Variants in KHDC4 observed in about 807,000 individuals in gnomAD.
The protein encoded by KHDC4 is KH homology domain-containing protein 4.
Under a neutral mutation model 74.5 loss-of-function variants are expected in KHDC4, and 19 were observed. The ratio of observed to expected loss-of-function variants is 0.26; its 90% confidence interval spans 0.18 to 0.37. KHDC4 has a LOEUF of 0.37. Among genes scored for constraint, KHDC4 ranks in the 10% least tolerant of loss-of-function variants. The pLI is 1.00. For missense variants in KHDC4, 632 were observed against 754.1 expected, an observed-to-expected ratio of 0.84 and a Z score of 1.90; for synonymous variants, 253 against 266.1, an observed-to-expected ratio of 0.95 and a Z score of 0.48.
In KHDC4 at chr1:155,913,823, G is replaced by A. The variant is rs1283237334; in HGVS notation, c.*298C>T. ...CTGGAAAAGGCTGACCAGGTCAAATGTGTATGGGAACGACCCTGTTAGGAT... is the reference window on the plus strand; with the variant it reads ...CTGGAAAAGGCTGACCAGGTCAAATATGTATGGGAACGACCCTGTTAGGAT... On this transcript the variant is annotated 3_prime_UTR_variant, in exon 14 of 14. Transcript: ENST00000368321. The A allele has an allele frequency of 8.6e-6, 3 of 347,440 alleles. No individual in the cohort carries two copies. The highest frequency in any genetic ancestry group is 3.8e-5 in the South Asian group (1 of 26,220). 21.5% of individuals were successfully genotyped at this position (347,440 alleles called of 1,614,324 possible).
chr1:155,918,604 C>G (rs1673784678), intron 10 of KHDC4, among the ~76,000 whole-genome samples: 1 of 152,140 alleles, frequency 6.6e-6, no homozygotes, highest in African/African-American at 2.4e-5. Flanking sequence ...TTCTTCTAGG[C>G]TACAATCCTG....
At chr1:155,928,093 C>T (rs1381537354) in intron 4 of KHDC4, among the ~76,000 whole-genome samples, 1 of 152,248 alleles carries the variant, frequency 6.6e-6, no homozygotes, top group African/African-American at 2.4e-5. Context: ...ATTCTTGGGG[C>T]TGGGCACGGT....
At chr1:155,917,133 G>A (rs1045863568) in intron 11 of KHDC4, among the ~76,000 whole-genome samples, 2 of 152,110 alleles carry the variant, frequency 1.3e-5, no homozygotes, top group African/African-American at 4.8e-5. Flanking sequence ...TAACTTTAGT[G>A]GCTAACTTTA....
At chr1:155,933,915 C>A in intron 1 of KHDC4, 66 bp from the exon 2 acceptor site, 2 of 1,258,864 alleles carry the variant, frequency 1.6e-6, no homozygotes, top group Non-Finnish European at 2.1e-6. Context: ...TTCCTTACTA[C>A]GCCTTAGCAC....
intron 4 of KHDC4, 63 bp downstream of exon 4, chr1:155,929,233 A>T (rs1674091541): frequency 8.5e-7 from 1 of 1,171,388 alleles, no homozygotes. Context: ...AAGGATAAAA[A>T]ACATGAGGCT....
intron 8 of KHDC4, among the ~76,000 whole-genome samples, chr1:155,923,154 G>A (rs976341075): frequency 1.3e-5 from 2 of 149,782 alleles, no homozygotes; most frequent in Non-Finnish European, 3.0e-5. Context: ...GCAGTGAGCC[G>A]AGATCCCGCC....
chr1:155,929,389 T>C lies in KHDC4; in HGVS notation c.385-14A>G. The C allele has an allele frequency of 6.2e-7, 1 of 1,606,370 alleles. No individual in the cohort carries two copies. Among genetic ancestry groups the C allele is most frequent in the Non-Finnish European group, 8.5e-7 (1 of 1,174,552 alleles). ...AAGTCGGCTGATCTAAAAAAGGAAATGTTCAATTAAAAAAATGTGGCAATT... is the reference window on the plus strand; with the variant it reads ...AAGTCGGCTGATCTAAAAAAGGAAACGTTCAATTAAAAAAATGTGGCAATT... On this transcript the variant is annotated splice_polypyrimidine_tract_variant and intron_variant, in intron 3 of 13. Coordinates refer to ENST00000368321, the MANE Select transcript of KHDC4 (RefSeq NM_014949.4).
At position 155,934,413 on chromosome 1, in the gene KHDC4, T is replaced by C; in HGVS notation, c.-40A>G. 2.5e-6 allele frequency: 4 copies of C among 1,607,060 alleles called. No individual in the cohort carries two copies. Among genetic ancestry groups the C allele is most frequent in the Non-Finnish European group, 3.4e-6 (4 of 1,176,338 alleles). On this transcript the variant is annotated 5_prime_UTR_variant, in exon 1 of 14. Transcript: ENST00000368321. ...CTCAACCACCCGCCAACTATCCGAC[T>C]ACCACCTCTCGTCACTTCCGCCCCC... is the stretch of plus-strand genomic sequence containing the variant.
At chr1:155,915,786 C>T (rs755948077) in intron 13 of KHDC4, 87 bp downstream of exon 13, 43 of 822,148 alleles carry the variant, frequency 5.2e-5, no homozygotes, top group East Asian at 2.0e-4. Flanking sequence ...GGATTACAGG[C>T]GTGAGCCACT....
chr1:155,921,224 T>C (rs1673855850), intron 10 of KHDC4, 151 bp downstream of exon 10: 2 of 840,704 alleles, frequency 2.4e-6, no homozygotes, highest in African/African-American at 1.7e-5. Context: ...TAATCCAAAA[T>C]ATTCAGGTAG....
chr1:155,916,504 A>G (rs1024518096), intron 12 of KHDC4, 121 bp downstream of exon 12: 2 of 707,526 alleles, frequency 2.8e-6, no homozygotes, highest in African/African-American at 3.5e-5. Flanking sequence ...ACAGAAGCAT[A>G]TTTGATTCAA....
At chr1:155,926,577 A>C in intron 6 of KHDC4, 99 bp downstream of exon 6, 2 of 1,397,266 alleles carry the variant, frequency 1.4e-6, no homozygotes, top group African/African-American at 2.8e-5. Context: ...TTGGCCTCCC[A>C]AAGTGCTGGG....
rs2102594836 is a variant in KHDC4, at chr1:155,913,897, T to C, written c.*224A>G. 1 of 544,332 alleles carries C rather than the reference T, an allele frequency of 1.8e-6. No homozygotes were observed. The highest frequency in any genetic ancestry group is 3.3e-5 in the Admixed American group (1 of 30,752). 33.7% of individuals were successfully genotyped at this position (544,332 alleles called of 1,614,324 possible). On this transcript the variant is annotated 3_prime_UTR_variant, in exon 14 of 14. Transcript: ENST00000368321. Reference sequence around the variant, plus strand: ...ACCAACTGTTAAAAAGCTTCTGAGATAAATTTGTGATTCTAATTAAATTTT... The same window carrying C: ...ACCAACTGTTAAAAAGCTTCTGAGACAAATTTGTGATTCTAATTAAATTTT...
At chr1:155,916,759 G>T in intron 11 of KHDC4, 22 bp from the exon 12 acceptor site, 2 of 1,510,726 alleles carry the variant, frequency 1.3e-6, no homozygotes, top group South Asian at 1.1e-5. Context: ...AAAATACAGT[G>T]GCATTAGCAA....
At chr1:155,926,118 C>T in intron 6 of KHDC4, 1 of 623,350 alleles carries the variant, frequency 1.6e-6, no homozygotes, top group Non-Finnish European at 3.0e-6. Flanking sequence ...AAATTAAAAC[C>T]ACTAACTTCA....
intron 13 of KHDC4, 44 bp from the exon 14 acceptor site, chr1:155,914,364 G>GAA (rs376524287): frequency 3.4e-5 from 37 of 1,103,494 alleles, no homozygotes; most frequent in African/African-American, 1.0e-4. Context: ...CCCGCCAAGG[G>GAA]AAAAAAAAAA....
At position 155,925,090 on chromosome 1, in the gene KHDC4, A is replaced by T. The variant is rs1356599327; in HGVS notation, c.893+542T>A. ...CACCCAGGCTGGAGTGCAGTGGCGC[A>T]ATCTCAGCTCACTGCAAGCTCCACC... On this transcript the variant is annotated intron_variant, in intron 7 of 13. Coordinates refer to ENST00000368321, the MANE Select transcript of KHDC4 (RefSeq NM_014949.4). Among the ~76,000 whole-genome samples the T allele has an allele frequency of 3.4e-5, 5 of 149,136 alleles. No individual in the cohort carries two copies. In the South Asian group the frequency reaches 1.1e-3, roughly 32 times the overall value.
chr1:155,923,617 T>C lies in KHDC4; in HGVS notation c.954+10A>G, dbSNP rs1673917373. The C allele has an allele frequency of 1.2e-6, 2 of 1,608,368 alleles. No homozygotes were observed. The highest frequency in any genetic ancestry group is 1.7e-6 in the Non-Finnish European group (2 of 1,174,870). On this transcript the variant is annotated intron_variant, in intron 8 of 13. Transcript: ENST00000368321. ...CTCTTCTGAATGAGTATCAGACAAA[T>C]ACAACTCACTGTTTGCAAAAGATTC...
chr1:155,915,799 G>A (rs778795777), intron 13 of KHDC4, 74 bp downstream of exon 13: 12 of 971,386 alleles, frequency 1.2e-5, no homozygotes, highest in Admixed American at 5.0e-5. Flanking sequence ...GAGCCACTGC[G>A]CCCGGCTGAG....
Sources: gnomAD v4.1 joint callset for allele counts (sites outside exome capture counted in the v4.1 genomes callset) on GRCh38, gnomAD v4.1.1 for gene constraint, MANE v1.5 for transcripts, NCBI Gene and HGNC (gene_info 2026-07-23, HGNC 2026-07-21) for gene names.